Variants in HCFC2 observed in about 807,000 individuals in gnomAD.
The protein encoded by HCFC2 is host cell factor C2, also known as host cell factor 2.
HCFC2 carries 18 observed loss-of-function variants against 89.2 expected under a neutral mutation model. The ratio of observed to expected loss-of-function variants is 0.20; its 90% CI spans 0.14 to 0.30. The LOEUF (loss-of-function observed/expected upper bound fraction) is 0.30, where lower values mean the gene tolerates loss of function less well. Ranked by LOEUF, HCFC2 falls within the 10% of genes least tolerant of loss-of-function variation. The pLI is 1.00. For synonymous variants in HCFC2, 308 were observed against 335.7 expected, an observed-to-expected ratio of 0.92 and a Z score of 0.90; for missense variants, 578 against 956.1, an observed-to-expected ratio of 0.60 and a Z score of 5.21.
rs1446131798 is a variant in HCFC2, at chr12:104,079,585, G to T, written c.614G>T (p.Ser205Ile). 3 of 1,614,026 alleles carry T rather than the reference G, an allele frequency of 1.9e-6. No individual in the cohort carries two copies. The highest frequency in any genetic ancestry group is 2.5e-6 in the Non-Finnish European group (3 of 1,180,018). ...AVIYCKKDSG[S>I]PKMYVFGGMC... is the part of the protein sequence containing the mutation. ...ATATATTGCAAAAAAGATTCTGGAA[G>T]TCCTAAAATGTATGTTTTTGGTGGA... Residue 205 changes from serine to isoleucine, a missense_variant, in exon 4 of 15, where the codon AGT (serine) becomes ATT (isoleucine). Transcript: ENST00000229330.
intron 1 of HCFC2, chr12:104,065,020 G>A (rs1883033297): frequency 3.2e-6 from 1 of 313,218 alleles, no homozygotes; most frequent in Admixed American, 5.1e-5. Flanking sequence ...GGCGACAGAA[G>A]ACCATGTCCA....
rs2930861 is a variant in HCFC2 at position 104,103,118 on chromosome 12, A to G, written c.2224A>G (p.Ile742Val). The G allele has an allele frequency of 5.6e-4, 909 of 1,614,072 alleles. 2 individuals carry two copies. The highest frequency in any genetic ancestry group is 6.1e-4 in the Non-Finnish European group (723 of 1,179,992). ...TTATTGTGGTCTTAAGACATCATGT[A>G]TAGTAACTGCTGGGCAACTTGCAAA... ...RIYCGLKTSC[I>V]VTAGQLANAH... is the part of the protein sequence containing the mutation. The change falls in exon 15 of 15, where the codon ATA (isoleucine) becomes GTA (valine). Residue 742 changes from isoleucine to valine, a missense_variant. Coordinates refer to ENST00000229330, the MANE Select transcript of HCFC2 (RefSeq NM_013320.3).
chr12:104,079,683 T>C, intron 4 of HCFC2, 30 bp downstream of exon 4: 1 of 1,506,354 alleles, frequency 6.6e-7, no homozygotes, highest in East Asian at 2.3e-5. Flanking sequence ...GGCTCAGGAA[T>C]AGGGCAAATT....
intron 3 of HCFC2, among the ~76,000 whole-genome samples, chr12:104,076,368 TTG>T (rs1883495803): frequency 6.6e-6 from 1 of 152,252 alleles, no homozygotes; most frequent in East Asian, 1.9e-4. Context: ...CCCACTGTGA[TTG>T]TGGATCTGTG....
rs148606506 is a variant in HCFC2 at position 104,098,869 on chromosome 12, G to A, written c.1878+389G>A. On this transcript the variant is annotated intron_variant, in intron 13 of 14. Transcript: ENST00000229330. ...CAGAAACTTAGCCAGGCGTGGTGAC[G>A]AGCATCTGTAGTCCCAGCTACTCAG... Among the ~76,000 whole-genome samples, 265 of 152,216 alleles carry A rather than the reference G, an allele frequency of 1.7e-3. 1 individual carries two copies. The highest frequency in any genetic ancestry group is 5.9e-3 in the African/African-American group (246 of 41,538).
At position 104,104,290 on chromosome 12, in the gene HCFC2, A is replaced by C. The variant is rs1047757269; in HGVS notation, c.*1017A>C. 6.6e-6 allele frequency: 1 copy of C among 151,980 alleles called. No homozygotes were observed. Among genetic ancestry groups the C allele is most frequent in the Non-Finnish European group, 1.5e-5 (1 of 67,882 alleles). 9.4% of individuals were successfully genotyped at this position (151,980 alleles called of 1,614,324 possible). The stretch of plus-strand genomic sequence containing the variant: ...TTATTTTTGCATTGTTTTTACCTTG[A>C]AATTGTATAAACTTTTTTACTATGA... On this transcript the variant is annotated 3_prime_UTR_variant, in exon 15 of 15. Coordinates refer to ENST00000229330, the MANE Select transcript of HCFC2 (RefSeq NM_013320.3).
intron 3 of HCFC2, among the ~76,000 whole-genome samples, chr12:104,073,679 G>T (rs1883409781): frequency 6.6e-6 from 1 of 152,030 alleles, no homozygotes; most frequent in Non-Finnish European, 1.5e-5. Context: ...CTAGTGTAAG[G>T]CTTTTTACTT....
Position 104,067,989 on chromosome 12 carries a change from C to A in HCFC2, c.355C>A (p.Pro119Thr). The A allele has an allele frequency of 6.2e-7, 1 of 1,606,962 alleles. No individual in the cohort carries two copies. The highest frequency in any genetic ancestry group is 8.5e-7 in the Non-Finnish European group (1 of 1,177,524). ...LWKKVKPHPP[P>T]SGLPPCPRLG... Reference sequence around the variant, plus strand: ...GAAAAAAGTGAAACCCCATCCCCCTCCTTCTGGTTTACCTCCTTGTCCTCG... The same window carrying A: ...GAAAAAAGTGAAACCCCATCCCCCTACTTCTGGTTTACCTCCTTGTCCTCG... The change falls in exon 3 of 15, where the codon CCT becomes ACT. Residue 119 changes from proline to threonine, a missense_variant. Pro to Thr is a conservative substitution (Grantham distance 38). Transcript: ENST00000229330.
intron 3 of HCFC2, among the ~76,000 whole-genome samples, chr12:104,077,170 T>G (rs1392230990): frequency 6.6e-6 from 1 of 152,206 alleles, no homozygotes; most frequent in Non-Finnish European, 1.5e-5. Context: ...CTTTTTAAGT[T>G]TGTATTTTCT....
intron 3 of HCFC2, among the ~76,000 whole-genome samples, chr12:104,077,646 T>G (rs1883544645): frequency 6.6e-6 from 1 of 152,038 alleles, no homozygotes; most frequent in Non-Finnish European, 1.5e-5. Flanking sequence ...CTATTTATTA[T>G]TTTTCTTTGA....
In HCFC2 at chr12:104,064,951, C is replaced by T. The variant is rs994549953; in HGVS notation, c.163+228C>T. 6 of 396,186 alleles carry T rather than the reference C, an allele frequency of 1.5e-5. No individual in the cohort carries two copies. The highest frequency in any genetic ancestry group is 1.3e-4 in the African/African-American group (6 of 47,556). 24.5% of individuals were successfully genotyped at this position (396,186 alleles called of 1,614,324 possible). On this transcript the variant is annotated intron_variant, in intron 1 of 14. Coordinates refer to ENST00000229330, the MANE Select transcript of HCFC2 (RefSeq NM_013320.3). The surrounding 1 kb of genome is among the most constrained non-coding windows in gnomAD (Gnocchi z 7.3). ...GGCGCAACGGACCCCGAGCGGGGCG[C>T]ACCGGCCTTCAGGCGGGGGATCCCG...
intron 8 of HCFC2, among the ~76,000 whole-genome samples, chr12:104,087,583 AT>A (rs1883907344): frequency 6.6e-6 from 1 of 151,334 alleles, no homozygotes; most frequent in Admixed American, 6.6e-5. Flanking sequence ...ATTCAAATAC[AT>A]TGTATTTCAG....
At chr12:104,078,973 A>G (rs1883596047) in intron 3 of HCFC2, among the ~76,000 whole-genome samples, 1 of 152,208 alleles carries the variant, frequency 6.6e-6, no homozygotes, top group Non-Finnish European at 1.5e-5. Context: ...CAGGATTCCA[A>G]GAGTGAGTGT....
Position 104,093,586 on chromosome 12 carries a change from T to G in HCFC2, c.1462+23T>G, listed in dbSNP as rs370805935. On this transcript the variant is annotated intron_variant, in intron 10 of 14. Transcript: ENST00000229330. ...AAGGTATATGGATGACATTTTAAAC[T>G]AAAGCTTTTTATAAAATCGGTGGGG... 4 of 1,550,632 alleles carry G rather than the reference T, an allele frequency of 2.6e-6. No individual in the cohort carries two copies. The African/African-American group carries it at 4.1e-5, about 16-fold the overall frequency.
At chr12:104,099,408 C>G (rs775706825) in intron 13 of HCFC2, among the ~76,000 whole-genome samples, 1 of 151,922 alleles carries the variant, frequency 6.6e-6, no homozygotes, top group South Asian at 2.1e-4. Context: ...GTGTTAAGGC[C>G]CTTTGTATGG....
At chr12:104,079,060 C>G (rs1341996635) in intron 3 of HCFC2, among the ~76,000 whole-genome samples, 1 of 152,166 alleles carries the variant, frequency 6.6e-6, no homozygotes, top group Non-Finnish European at 1.5e-5. Context: ...CCCTATTAAT[C>G]AAAGCAGTCA....
chr12:104,081,967 C>G (rs1883700814), intron 5 of HCFC2, among the ~76,000 whole-genome samples: 1 of 150,500 alleles, frequency 6.6e-6, no homozygotes, highest in Admixed American at 6.6e-5. Context: ...TGGTTGACAT[C>G]AGGTCAAATG....
At chr12:104,074,606 TTGAGGTTCTGAAATA>T (rs1210813921) in intron 3 of HCFC2, among the ~76,000 whole-genome samples, 1 of 152,238 alleles carries the variant, frequency 6.6e-6, no homozygotes, top group Non-Finnish European at 1.5e-5. Flanking sequence ...AATTAATTAA[TTGAGGTTCTGAAATA>T]TGAGCCACCT....
chr12:104,101,931 T>C (rs1593614386), intron 13 of HCFC2, 37 bp from the exon 14 acceptor site: 7 of 1,367,738 alleles, frequency 5.1e-6, no homozygotes, highest in Non-Finnish European at 7.0e-6. Context: ...ATATTAGTTG[T>C]ACCTTTTCTT....
Sources: allele counts gnomAD v4.1 joint callset (sites outside exome capture counted in the v4.1 genomes callset), GRCh38; gene constraint gnomAD v4.1.1; non-coding constraint Gnocchi (gnomAD v3.1); transcripts MANE v1.5; gene names NCBI Gene and HGNC (gene_info 2026-07-23, HGNC 2026-07-21).